TTC7B: variants seen among roughly 807,000 people sequenced by gnomAD.
TTC7B encodes the protein tetratricopeptide repeat protein 7B.
Under a neutral mutation model 106.8 loss-of-function variants are expected in TTC7B, and 28 were observed. The ratio of observed to expected loss-of-function variants is 0.26; its 90% CI spans 0.19 to 0.36. The LOEUF (loss-of-function observed/expected upper bound fraction) is 0.36. Ranked by LOEUF, TTC7B falls within the 10% of genes least tolerant of loss-of-function variation. The pLI is 1.00. For synonymous variants in TTC7B, 405 were observed against 430.6 expected (o/e 0.94, Z 0.74); for missense variants, 862 against 1,076.4 (o/e 0.80, Z 2.79).
At chr14:90,766,447 T>TG in intron 3 of TTC7B, 2 of 612,360 alleles carry the variant, frequency 3.3e-6, no homozygotes, top group East Asian at 5.3e-5. Flanking sequence ...AATTGAAATG[T>TG]CAAAAAGGAC....
At chr14:90,815,352 C>A (rs909904114) in intron 1 of TTC7B, among the ~76,000 whole-genome samples, 1 of 152,116 alleles carries the variant, frequency 6.6e-6, no homozygotes, top group Non-Finnish European at 1.5e-5. Flanking sequence ...GGTACAAGAA[C>A]CAATCCAGTT....
intron 1 of TTC7B, among the ~76,000 whole-genome samples, chr14:90,795,084 A>G (rs1218794399): frequency 6.6e-6 from 1 of 152,182 alleles, no homozygotes; most frequent in African/African-American, 2.4e-5. Flanking sequence ...ACTCCAGGGC[A>G]TACGAGAAAA....
At chr14:90,691,523 A>G (rs912503729) in intron 6 of TTC7B, among the ~76,000 whole-genome samples, 1 of 152,250 alleles carries the variant, frequency 6.6e-6, no homozygotes. Flanking sequence ...TTTACTTTTT[A>G]AACTCAACCT....
chr14:90,787,265 A>C (rs922710723), intron 1 of TTC7B, among the ~76,000 whole-genome samples: 1 of 152,226 alleles, frequency 6.6e-6, no homozygotes, highest in African/African-American at 2.4e-5. Context: ...ATATTGGCTT[A>C]ATTCAAATGA....
chr14:90,657,425 T>C lies in TTC7B; in HGVS notation c.1237-147A>G, dbSNP rs1595252727. The C allele has an allele frequency of 1.1e-5, 7 of 644,474 alleles. No homozygotes were observed. Among genetic ancestry groups the C allele is most frequent in the East Asian group, 2.9e-5 (1 of 34,884 alleles). The allele number at this position is 644,474 out of a possible 1,614,324, so 39.9% of individuals were successfully genotyped here. A position where few individuals can be genotyped will look rare whatever the true frequency, so the allele number is the denominator to read the frequency against. ...CAAGCAAGCGGGGGCCTGAGGTGCA[T>C]GAAAACCAGAGCCTGCGGCTTCTGA... On this transcript the variant is annotated intron_variant, in intron 10 of 19. Transcript: ENST00000328459. The surrounding 1 kb of genome is among the most constrained non-coding windows in gnomAD (Gnocchi z 4.2).
rs1889241887 is a variant in TTC7B, at chr14:90,529,913, G to A, written c.*11455C>T. The A allele has an allele frequency of 6.6e-6, 1 of 152,176 alleles. No individual in the cohort carries two copies. The highest frequency in any genetic ancestry group is 2.4e-5 in the African/African-American group (1 of 41,434). The allele number at this position is 152,176 out of a possible 1,614,324, so 9.4% of individuals were successfully genotyped here. A position where few individuals can be genotyped will look rare whatever the true frequency, so the allele number is the denominator to read the frequency against. On this transcript the variant is annotated 3_prime_UTR_variant, in exon 20 of 20. Coordinates refer to ENST00000328459, the MANE Select transcript of TTC7B (RefSeq NM_001010854.2). ...TCTAGAAAGATTTTTACTGACAAGA[G>A]AATATTAAGTGAAAAGATCCATACG... is the stretch of plus-strand genomic sequence containing the variant.
At position 90,816,313 on chromosome 14, in the gene TTC7B, C is replaced by T; in HGVS notation, c.-18G>A. On this transcript the variant is annotated 5_prime_UTR_variant, in exon 1 of 20. Coordinates refer to ENST00000328459, the MANE Select transcript of TTC7B (RefSeq NM_001010854.2). ...GTCGCCATCGCGGCCTGGCCGGGCC[C>T]GGCCGCCCGCCCCGCAGGCCCCACC... The T allele has an allele frequency of 9.0e-7, 1 of 1,114,260 alleles. No individual in the cohort carries two copies. Among genetic ancestry groups the T allele is most frequent in the Non-Finnish European group, 1.1e-6 (1 of 893,246 alleles). The allele number at this position is 1,114,260 out of a possible 1,614,324, so 69.0% of individuals were successfully genotyped here.
chr14:90,706,859 A>C (rs1192097472), intron 5 of TTC7B, among the ~76,000 whole-genome samples: 1 of 151,962 alleles, frequency 6.6e-6, no homozygotes, highest in Non-Finnish European at 1.5e-5. Context: ...CTTAGCGAGA[A>C]CTCTCTCTCT....
Position 90,578,544 on chromosome 14 carries a change from C to T in TTC7B, c.2108-236G>A, listed in dbSNP as rs953181364. 5.9e-5 allele frequency among the ~76,000 whole-genome samples: 9 copies of T among 152,210 alleles called. No homozygotes were observed. The highest frequency in any genetic ancestry group is 5.9e-4 in the Admixed American group (9 of 15,300). On this transcript the variant is annotated intron_variant, in intron 18 of 19. Coordinates refer to ENST00000328459, the MANE Select transcript of TTC7B (RefSeq NM_001010854.2). The surrounding 1 kb of genome is among the most constrained non-coding windows in gnomAD (Gnocchi z 4.7). ...AGGGCAGGCATAGGTCACCACCAGG[C>T]AGGGAGCAGTGAGGCCTGCCTGGTC...
At chr14:90,756,070 C>G (rs149015297) in intron 3 of TTC7B, among the ~76,000 whole-genome samples, 1 of 152,236 alleles carries the variant, frequency 6.6e-6, no homozygotes, top group Admixed American at 6.5e-5. Context: ...CTTACTAACA[C>G]ATGATGCCTT....
rs1889553761 is a variant in TTC7B, at chr14:90,541,005, G to T, written c.*363C>A. ...GGACAGTTGTTTTCTTTACAGCTCTGATAAAAATAATCTGTGCTGCCACTG... is the reference window on the plus strand; with the variant it reads ...GGACAGTTGTTTTCTTTACAGCTCTTATAAAAATAATCTGTGCTGCCACTG... On this transcript the variant is annotated 3_prime_UTR_variant, in exon 20 of 20. Transcript: ENST00000328459. 2 of 212,508 alleles carry T rather than the reference G, an allele frequency of 9.4e-6. No individual in the cohort carries two copies. The highest frequency in any genetic ancestry group is 4.6e-5 in the African/African-American group (2 of 43,940). The allele number at this position is 212,508 out of a possible 1,614,324, so 13.2% of individuals were successfully genotyped here.
At chr14:90,762,737 C>A (rs76967177) in intron 3 of TTC7B, among the ~76,000 whole-genome samples, 2,379 of 152,246 alleles carry the variant, frequency 0.016, 20 homozygotes, top group African/African-American at 0.027. Context: ...AGCCATCACG[C>A]CTGAAACTGG....
chr14:90,728,794 A>T (rs1376580632), intron 5 of TTC7B, among the ~76,000 whole-genome samples: 1 of 152,204 alleles, frequency 6.6e-6, no homozygotes, highest in East Asian at 1.9e-4. Context: ...ATATTAACAC[A>T]TACAGACACA....
intron 19 of TTC7B, among the ~76,000 whole-genome samples, chr14:90,564,945 A>G (rs1026457292): frequency 6.6e-6 from 1 of 152,200 alleles, no homozygotes; most frequent in Non-Finnish European, 1.5e-5. Flanking sequence ...GTTGTTGACT[A>G]TAGCCACCTT....
intron 19 of TTC7B, among the ~76,000 whole-genome samples, chr14:90,576,541 G>A (rs1031312879): frequency 6.6e-6 from 1 of 152,210 alleles, no homozygotes; most frequent in African/African-American, 2.4e-5. Flanking sequence ...TAGGTGCCAG[G>A]AACTCTGCTA....
rs34070744 is a variant in TTC7B at position 90,802,969 on chromosome 14, TAA to T, written c.121+13204_121+13205del. 1.4e-5 allele frequency among the ~76,000 whole-genome samples: 2 copies of T among 141,482 alleles called. No homozygotes were observed. Among genetic ancestry groups the T allele is most frequent in the Non-Finnish European group, 1.5e-5 (1 of 65,418 alleles). 92.8% of individuals were successfully genotyped at this position (141,482 alleles called of 152,430 possible). On this transcript the variant is annotated intron_variant, in intron 1 of 19. Coordinates refer to ENST00000328459, the MANE Select transcript of TTC7B (RefSeq NM_001010854.2). The surrounding 1 kb of genome is among the most constrained non-coding windows in gnomAD (Gnocchi z 4.7). ...CAACATGGTGAAACCCCATCTCTGC[TAA>T]AAAAAAAAAAAAATACAAAAAATTA...
chr14:90,581,030 C>A (rs543261081), intron 18 of TTC7B, among the ~76,000 whole-genome samples: 9 of 152,226 alleles, frequency 5.9e-5, no homozygotes, highest in Non-Finnish European at 1.2e-4. Flanking sequence ...CAACGACTGA[C>A]TCCCCAGGCC....
Position 90,538,180 on chromosome 14 carries a change from C to T in TTC7B, c.*3188G>A, listed in dbSNP as rs1889461783. 1 of 152,246 alleles carries T rather than the reference C, an allele frequency of 6.6e-6. No individual in the cohort carries two copies. Among genetic ancestry groups the T allele is most frequent in the Non-Finnish European group, 1.5e-5 (1 of 68,066 alleles). 9.4% of individuals were successfully genotyped at this position (152,246 alleles called of 1,614,324 possible). A position where few individuals can be genotyped will look rare whatever the true frequency, so the allele number is the denominator to read the frequency against. ...CTGCCAGGTAATTCCACAATGACCC[C>T]AGGCAGGTGTCCTGCCGTCTTAGTG... On this transcript the variant is annotated 3_prime_UTR_variant, in exon 20 of 20. Coordinates refer to ENST00000328459, the MANE Select transcript of TTC7B (RefSeq NM_001010854.2).
At chr14:90,694,231 C>G (rs569099626) in intron 6 of TTC7B, among the ~76,000 whole-genome samples, 4 of 152,262 alleles carry the variant, frequency 2.6e-5, no homozygotes, top group African/African-American at 9.6e-5. Flanking sequence ...GAGCGAGACT[C>G]TATCTCAAAA....
Sources: allele counts gnomAD v4.1 joint callset (sites outside exome capture counted in the v4.1 genomes callset), GRCh38; gene constraint gnomAD v4.1.1; non-coding constraint Gnocchi (gnomAD v3.1); transcripts MANE v1.5; gene names NCBI Gene and HGNC (gene_info 2026-07-23, HGNC 2026-07-21).